The following EPHB3 variants were observed in gnomAD, a reference collection of about 807,000 sequenced individuals.
EPHB3 encodes EPH receptor B3.
A neutral mutation model predicts 100.2 loss-of-function variants in EPHB3; 33 were observed. The observed-to-expected ratio is 0.33, with a 90% CI of 0.25 to 0.44. The LOEUF (loss-of-function observed/expected upper bound fraction) is 0.44, where lower values mean the gene tolerates loss of function less well. EPHB3 is among the 20% of genes least tolerant of loss of function. EPHB3 has a pLI of 1.00. For missense variants in EPHB3, 1,045 were observed against 1,378.3 expected, an observed-to-expected ratio of 0.76 and a Z score of 3.83; for synonymous variants, 526 against 554.7, an observed-to-expected ratio of 0.95 and a Z score of 0.73.
Position 184,581,361 on chromosome 3 carries a change from C to T in EPHB3, c.2841C>T (p.Val947=), listed in dbSNP as rs769750062. ...TGGGGCGGTACAAGGAGAGCTTCGT[C>T]AGTGCGGGGTTTGCATCTTTTGACC... ...IKMGRYKESF[V]SAGFASFDLV... is the part of the protein sequence containing the mutation. The change falls in exon 15 of 16, where the codon GTC becomes GTT. Residue 947 remains valine, a synonymous_variant. Transcript: ENST00000330394. 1.2e-6 allele frequency: 2 copies of T among 1,607,256 alleles called. No individual in the cohort carries two copies. The highest frequency in any genetic ancestry group is 1.7e-6 in the Non-Finnish European group (2 of 1,176,442).
intron 1 of EPHB3, among the ~76,000 whole-genome samples, chr3:184,564,131 C>G (rs1399984910): frequency 6.6e-6 from 1 of 152,222 alleles, no homozygotes; most frequent in East Asian, 1.9e-4. Context: ...AGGCCGAGTC[C>G]TGATGTGCTG....
intron 4 of EPHB3, among the ~76,000 whole-genome samples, chr3:184,576,363 C>G (rs893093734): frequency 1.3e-5 from 2 of 152,170 alleles, no homozygotes; most frequent in African/African-American, 2.4e-5. Context: ...CAGCCCCACT[C>G]TAACCATGGA....
chr3:184,562,351 A>T lies in EPHB3; in HGVS notation c.116A>T (p.Glu39Val). Reference sequence around the variant, plus strand: ...CTGCCCGCCGGCTGCCGGGCGCTGGAAGGTGAGCGGCGTCGGGGGGCGCGC... The same window carrying T: ...CTGCCCGCCGGCTGCCGGGCGCTGGTAGGTGAGCGGCGTCGGGGGGCGCGC... ...LLLPAGCRAL[E>V]ETLMDTKWVT... The change falls in exon 1 of 16, where the codon GAA (glutamate) becomes GTA (valine). Residue 39 changes from glutamate to valine, a missense_variant and splice_region_variant. This residue lies in a region of EPHB3 where 60 missense variants were observed against 47.2 expected (regional missense o/e 1.27). Transcript: ENST00000330394. The surrounding 1 kb of genome is among the most constrained non-coding windows in gnomAD (Gnocchi z 4.8). 1 of 1,230,806 alleles carries T rather than the reference A, an allele frequency of 8.1e-7. No homozygotes were observed. The highest frequency in any genetic ancestry group is 1.0e-6 in the Non-Finnish European group (1 of 987,754). The allele number at this position is 1,230,806 out of a possible 1,614,324, so 76.2% of individuals were successfully genotyped here.
Position 184,569,439 on chromosome 3 carries a change from G to A in EPHB3, c.119-1879G>A, listed in dbSNP as rs943296090. On this transcript the variant is annotated intron_variant, in intron 1 of 15. Coordinates refer to ENST00000330394, the MANE Select transcript of EPHB3 (RefSeq NM_004443.4). This position sits in a 1 kb window ranked among gnomAD's most constrained non-coding sequence, Gnocchi z 5.4. Reference sequence around the variant, plus strand: ...TCCCTCCGGCTCCGTGCCGCCCACCGCCCGCCAGCTCCAGTCGCTGCCCCG... The same window carrying A: ...TCCCTCCGGCTCCGTGCCGCCCACCACCCGCCAGCTCCAGTCGCTGCCCCG... Among the ~76,000 whole-genome samples the A allele has an allele frequency of 1.3e-5, 2 of 150,324 alleles. No individual in the cohort carries two copies. The highest frequency in any genetic ancestry group is 6.6e-5 in the Admixed American group (1 of 15,168).
Position 184,565,144 on chromosome 3 carries a change from G to A in EPHB3, c.118+2791G>A, listed in dbSNP as rs1268867294. 5.3e-5 allele frequency among the ~76,000 whole-genome samples: 8 copies of A among 152,116 alleles called. No individual in the cohort carries two copies. Among genetic ancestry groups the A allele is most frequent in the Admixed American group, 5.2e-4 (8 of 15,272 alleles). On this transcript the variant is annotated intron_variant, in intron 1 of 15. Coordinates refer to ENST00000330394, the MANE Select transcript of EPHB3 (RefSeq NM_004443.4). This position sits in a 1 kb window ranked among gnomAD's most constrained non-coding sequence, Gnocchi z 4.8. ...GTCATCAGTTTTCCATGTGGATGGA[G>A]CCTGGGTCCTTGCTTGTCCTCGTGG...
rs1308931797 is a variant in EPHB3 at position 184,577,615 on chromosome 3, T to A, written c.1480-43T>A. 1 of 1,571,576 alleles carries A rather than the reference T, an allele frequency of 6.4e-7. No individual in the cohort carries two copies. The highest frequency in any genetic ancestry group is 1.3e-5 in the African/African-American group (1 of 74,318). On this transcript the variant is annotated intron_variant, in intron 6 of 15. Transcript: ENST00000330394. The surrounding 1 kb of genome is among the most constrained non-coding windows in gnomAD (Gnocchi z 4.9). ...GGGTGTGAATAGGGGCTGGTTGGCC[T>A]CAGGACCCACCTGAGGGTGCCCCCT...
chr3:184,581,439 G>A (rs1714818997), intron 15 of EPHB3, 31 bp downstream of exon 15: 1 of 1,586,362 alleles, frequency 6.3e-7, no homozygotes, highest in East Asian at 2.2e-5. Flanking sequence ...GAGGAGCAGG[G>A]CAGGGGGCCC....
Position 184,579,667 on chromosome 3 carries a change from T to TTGTGCCC in EPHB3, c.1925-10_1925-4dup. 1.2e-6 allele frequency: 2 copies of TTGTGCCC among 1,610,620 alleles called. No homozygotes were observed. Among genetic ancestry groups the TTGTGCCC allele is most frequent in the South Asian group, 1.1e-5 (1 of 90,884 alleles). On this transcript the variant is annotated intron_variant, in intron 10 of 15. Coordinates refer to ENST00000330394, the MANE Select transcript of EPHB3 (RefSeq NM_004443.4). This position sits in a 1 kb window ranked among gnomAD's most constrained non-coding sequence, Gnocchi z 5.2. ...GCTGGGTACAGGAGTGAGTCATAGC[T>TTGTGCCC]TGTGCCCTGTGCCCTGCAGGGGAAT...
chr3:184,572,224 C>T lies in EPHB3; in HGVS notation c.184-280C>T, dbSNP rs1162554343. On this transcript the variant is annotated intron_variant, in intron 2 of 15. Coordinates refer to ENST00000330394, the MANE Select transcript of EPHB3 (RefSeq NM_004443.4). The surrounding 1 kb of genome is among the most constrained non-coding windows in gnomAD (Gnocchi z 6.6). ...CTGCAGTACTTACCAAGTTCCTAGT[C>T]CTGTCCTAAATGCTTTATTCAGTTA... 6.6e-6 allele frequency among the ~76,000 whole-genome samples: 1 copy of T among 152,200 alleles called. No homozygotes were observed. The highest frequency in any genetic ancestry group is 1.5e-5 in the Non-Finnish European group (1 of 68,042).
At position 184,581,639 on chromosome 3, in the gene EPHB3, G is replaced by A. The variant is rs200087368; in HGVS notation, c.*17G>A. 1.5e-3 allele frequency: 2,371 copies of A among 1,585,344 alleles called. 6 individuals are homozygous for A. Among genetic ancestry groups the A allele is most frequent in the Non-Finnish European group, 1.6e-3 (1,819 of 1,167,268 alleles). ...CAGGTCTGACACCGGCTCCCACGGGGACCCTGAGGACCGTGCAGGGATGCC... is the reference window on the plus strand; with the variant it reads ...CAGGTCTGACACCGGCTCCCACGGGAACCCTGAGGACCGTGCAGGGATGCC... On this transcript the variant is annotated 3_prime_UTR_variant, in exon 16 of 16. Coordinates refer to ENST00000330394, the MANE Select transcript of EPHB3 (RefSeq NM_004443.4).
In EPHB3 at chr3:184,578,220, C is replaced by T. The variant is rs151235522; in HGVS notation, c.1749-194C>T. 4.7e-4 allele frequency: 416 copies of T among 892,620 alleles called. No homozygotes were observed. In the African/African-American group the frequency reaches 6.4e-3, roughly 14 times the overall value. The allele number at this position is 892,620 out of a possible 1,614,324, so 55.3% of individuals were successfully genotyped here. The stretch of plus-strand genomic sequence containing the variant: ...ATACCCCATTCCCTGAATCTCCGGG[C>T]AGGTTCCCTAGGGACTGAGTCCACT... On this transcript the variant is annotated intron_variant, in intron 8 of 15. Coordinates refer to ENST00000330394, the MANE Select transcript of EPHB3 (RefSeq NM_004443.4). This position sits in a 1 kb window ranked among gnomAD's most constrained non-coding sequence, Gnocchi z 4.7.
In EPHB3 at chr3:184,581,162, C is replaced by A; in HGVS notation, c.2729C>A (p.Ser910Tyr). ...CTCAAGGTCATTGCCAGCGCTCAGT[C>A]TGGGTTAGTACCTCTGCCTCTGCTC... is the stretch of plus-strand genomic sequence containing the variant. ...ASLKVIASAQ[S>Y]GMSQPLLDRT... The change falls in exon 14 of 16, where the codon TCT becomes TAT. Residue 910 changes from serine to tyrosine, a missense_variant. Transcript: ENST00000330394. 6.2e-7 allele frequency: 1 copy of A among 1,613,902 alleles called. No individual in the cohort carries two copies. The highest frequency in any genetic ancestry group is 8.5e-7 in the Non-Finnish European group (1 of 1,179,848).
intron 1 of EPHB3, among the ~76,000 whole-genome samples, chr3:184,568,881 C>A (rs1013631159): frequency 2.0e-5 from 3 of 151,986 alleles, no homozygotes; most frequent in Admixed American, 1.3e-4. Context: ...AGGGCCGATC[C>A]CCTCCCTCCC....
chr3:184,562,917 G>A lies in EPHB3; in HGVS notation c.118+564G>A, dbSNP rs867324228. ...GGGCGCCAATTACACCCGAGGTGCT[G>A]TATGGGCGGGCCCCCGCACCCTTTG... On this transcript the variant is annotated intron_variant, in intron 1 of 15. Transcript: ENST00000330394. The surrounding 1 kb of genome is among the most constrained non-coding windows in gnomAD (Gnocchi z 4.8). Among the ~76,000 whole-genome samples, 83 of 152,370 alleles carry A rather than the reference G, an allele frequency of 5.4e-4. No individual in the cohort carries two copies. The highest frequency in any genetic ancestry group is 1.7e-3 in the African/African-American group (71 of 41,596).
Position 184,581,339 on chromosome 3 carries a change from G to A in EPHB3, c.2819G>A (p.Gly940Glu), listed in dbSNP as rs202198661. 1.0e-4 allele frequency: 163 copies of A among 1,610,286 alleles called. No homozygotes were observed. The highest frequency in any genetic ancestry group is 1.3e-4 in the Non-Finnish European group (152 of 1,177,890). ...GATTGGCTGGATGCCATCAAGATGG[G>A]GCGGTACAAGGAGAGCTTCGTCAGT... ...VGDWLDAIKM[G>E]RYKESFVSAG... The change falls in exon 15 of 16, where the codon GGG becomes GAG. Residue 940 changes from glycine (G) to glutamate (E), a missense_variant. Transcript: ENST00000330394.
In EPHB3 at chr3:184,569,161, C is replaced by A. The variant is rs1321861440; in HGVS notation, c.119-2157C>A. Among the ~76,000 whole-genome samples, 1 of 152,130 alleles carries A rather than the reference C, an allele frequency of 6.6e-6. No individual in the cohort carries two copies. Among genetic ancestry groups the A allele is most frequent in the Non-Finnish European group, 1.5e-5 (1 of 67,998 alleles). On this transcript the variant is annotated intron_variant, in intron 1 of 15. Transcript: ENST00000330394. The surrounding 1 kb of genome is among the most constrained non-coding windows in gnomAD (Gnocchi z 5.4). ...GGAGGAGGGAGGCGGCGCGAGGGAG[C>A]GGCTGGAGCCCCGGCCTGCTCCGGC...
intron 3 of EPHB3, among the ~76,000 whole-genome samples, chr3:184,574,583 T>C (rs1186715139): frequency 6.6e-6 from 1 of 152,218 alleles, no homozygotes; most frequent in Non-Finnish European, 1.5e-5. Flanking sequence ...GTGATGACTC[T>C]TATGGCAGCC....
Position 184,571,030 on chromosome 3 carries a change from A to G in EPHB3, c.119-288A>G, listed in dbSNP as rs1714526106. ...GAGTGCAGTAGTGCAATCTCGGCTC[A>G]CTGCAACCTCCGTCTCCCAGGTTCA... On this transcript the variant is annotated intron_variant, in intron 1 of 15. Coordinates refer to ENST00000330394, the MANE Select transcript of EPHB3 (RefSeq NM_004443.4). This position sits in a 1 kb window ranked among gnomAD's most constrained non-coding sequence, Gnocchi z 5.0. Among the ~76,000 whole-genome samples the G allele has an allele frequency of 6.7e-6, 1 of 148,992 alleles. No homozygotes were observed. Among genetic ancestry groups the G allele is most frequent in the South Asian group, 2.1e-4 (1 of 4,768 alleles).
intron 1 of EPHB3, among the ~76,000 whole-genome samples, chr3:184,566,505 C>T (rs142983076): frequency 1.3e-4 from 20 of 152,302 alleles, no homozygotes; most frequent in Non-Finnish European, 2.6e-4. Context: ...TTCTCCAGTC[C>T]CATGGCAGGC....
Sources: allele counts gnomAD v4.1 joint callset (sites outside exome capture counted in the v4.1 genomes callset), GRCh38; gene constraint gnomAD v4.1.1; regional missense constraint gnomAD v4.1.1; non-coding constraint Gnocchi (gnomAD v3.1); transcripts MANE v1.5; gene names NCBI Gene and HGNC (gene_info 2026-07-23, HGNC 2026-07-21).